CSMD1: variants seen among roughly 807,000 people sequenced by gnomAD.
CSMD1 encodes the protein CUB and Sushi multiple domains 1.
In CSMD1, 213 loss-of-function variants were observed where a neutral mutation model predicts 417.5. The ratio of observed to expected loss-of-function variants is 0.51; its 90% confidence interval spans 0.46 to 0.57. The LOEUF (loss-of-function observed/expected upper bound fraction) is 0.57. Among genes scored for constraint, CSMD1 ranks in the 20% least tolerant of loss-of-function variants. CSMD1 has a pLI of 0.00. For missense variants in CSMD1, 6,923 were observed against 4,529.7 expected, an observed-to-expected ratio of 1.53 and a Z score of -15.17; for synonymous variants, 2,862 against 1,736.8, an observed-to-expected ratio of 1.65 and a Z score of -16.11.
intron 10 of CSMD1, among the ~76,000 whole-genome samples, chr8:3,533,673 A>G (rs912715693): frequency 1.3e-5 from 2 of 152,118 alleles, no homozygotes; most frequent in Non-Finnish European, 2.9e-5. Context: ...GCTTCACTCC[A>G]CTAACACTTA....
chr8:3,464,082 C>T (rs1010291103), intron 12 of CSMD1, among the ~76,000 whole-genome samples: 2 of 152,194 alleles, frequency 1.3e-5, no homozygotes, highest in Admixed American at 1.3e-4. Flanking sequence ...GACTATACAG[C>T]AGCACATCAC....
At chr8:3,658,128 C>T (rs1798223053) in intron 7 of CSMD1, among the ~76,000 whole-genome samples, 1 of 152,084 alleles carries the variant, frequency 6.6e-6, no homozygotes, top group South Asian at 2.1e-4. Flanking sequence ...AAAAAACCAA[C>T]TCAAAAACTT....
chr8:3,797,501 C>T (rs944834271), intron 5 of CSMD1, among the ~76,000 whole-genome samples: 2 of 151,890 alleles, frequency 1.3e-5, no homozygotes, highest in East Asian at 1.9e-4. Context: ...TGATCTTTAA[C>T]TTTATATAAA....
chr8:4,099,001 T>C (rs901160201), intron 3 of CSMD1, among the ~76,000 whole-genome samples: 2 of 152,172 alleles, frequency 1.3e-5, no homozygotes, highest in Non-Finnish European at 1.5e-5. Context: ...TCTCTTAGAC[T>C]CCAAACAACT....
At chr8:3,876,337 A>C (rs576049385) in intron 5 of CSMD1, among the ~76,000 whole-genome samples, 3 of 152,282 alleles carry the variant, frequency 2.0e-5, no homozygotes, top group South Asian at 4.1e-4. Context: ...GCCCAGGATG[A>C]CTGTTGTGTT....
intron 17 of CSMD1, among the ~76,000 whole-genome samples, chr8:3,388,917 ACACACACACACACACACACACACATT>A: frequency 2.3e-5 from 1 of 43,764 alleles, no homozygotes; most frequent in Admixed American, 2.3e-4. Context: ...ACACACACAC[ACACACACACACACACACACACACATT>A]CACTTTCAGA....
At position 3,660,574 on chromosome 8, in the gene CSMD1, G is replaced by A. The variant is rs572339805; in HGVS notation, c.1010-43777C>T. Among the ~76,000 whole-genome samples the A allele has an allele frequency of 8.4e-4, 92 of 108,890 alleles. 10 individuals carry two copies. Among genetic ancestry groups the A allele is most frequent in the Middle Eastern group, 7.6e-3 (1 of 132 alleles). The allele number at this position is 108,890 out of a possible 152,430, so 71.4% of individuals were successfully genotyped here. On this transcript the variant is annotated intron_variant, in intron 7 of 69. Coordinates refer to ENST00000635120, the MANE Select transcript of CSMD1 (RefSeq NM_033225.6). ...AAGGCCCTGCAGTCCAGGCAAGAGTGCAGTGGTGCAATCTCAGCTCACTGC... is the reference window on the plus strand; with the variant it reads ...AAGGCCCTGCAGTCCAGGCAAGAGTACAGTGGTGCAATCTCAGCTCACTGC...
chr8:4,615,307 G>A (rs571675266), intron 2 of CSMD1, among the ~76,000 whole-genome samples: 8 of 152,286 alleles, frequency 5.3e-5, no homozygotes, highest in African/African-American at 1.4e-4. Flanking sequence ...GGTTTACGCA[G>A]TATCTTCCCC....
At chr8:4,500,261 T>C (rs1563235688) in intron 2 of CSMD1, among the ~76,000 whole-genome samples, 1 of 152,078 alleles carries the variant, frequency 6.6e-6, no homozygotes, top group African/African-American at 2.4e-5. Context: ...ATCATAGAAA[T>C]GGATCGTCAG....
At chr8:3,733,726 G>C (rs1205145311) in intron 6 of CSMD1, among the ~76,000 whole-genome samples, 1 of 152,126 alleles carries the variant, frequency 6.6e-6, no homozygotes, top group African/African-American at 2.4e-5. Flanking sequence ...CGCCCATGGG[G>C]TTGTGGTGTC....
chr8:3,263,152 G>A (rs888835382), intron 26 of CSMD1, among the ~76,000 whole-genome samples: 9 of 152,144 alleles, frequency 5.9e-5, no homozygotes, highest in Non-Finnish European at 1.0e-4. Context: ...AGGCTGGAGT[G>A]CAGTGGCATG....
chr8:3,804,050 C>G (rs1800598561), intron 5 of CSMD1, among the ~76,000 whole-genome samples: 1 of 152,118 alleles, frequency 6.6e-6, no homozygotes, highest in South Asian at 2.1e-4. Flanking sequence ...TCCTCAGCCT[C>G]TGAGTAGCTG....
intron 2 of CSMD1, among the ~76,000 whole-genome samples, chr8:4,499,150 C>A (rs1802126163): frequency 6.6e-6 from 1 of 152,070 alleles, no homozygotes; most frequent in African/African-American, 2.4e-5. Context: ...AGAAACAAAA[C>A]CAACAGGAAG....
intron 10 of CSMD1, among the ~76,000 whole-genome samples, chr8:3,535,439 A>G (rs973678726): frequency 1.3e-5 from 2 of 152,166 alleles, no homozygotes; most frequent in Non-Finnish European, 2.9e-5. Flanking sequence ...CTCCGGTTCC[A>G]TCCACATTGC....
intron 9 of CSMD1, among the ~76,000 whole-genome samples, chr8:3,576,491 T>C (rs114188019): frequency 1.3e-3 from 201 of 152,280 alleles, no homozygotes; most frequent in African/African-American, 4.7e-3. Flanking sequence ...GACAACATAA[T>C]TTGAGACAAC....
chr8:4,518,800 T>G (rs1042518271), intron 2 of CSMD1, among the ~76,000 whole-genome samples: 2 of 151,772 alleles, frequency 1.3e-5, no homozygotes, highest in Admixed American at 1.3e-4. Flanking sequence ...AGAGGAAAAA[T>G]AGAATAATTA....
chr8:4,314,495 G>C (rs6982253), intron 3 of CSMD1, among the ~76,000 whole-genome samples: 17,214 of 152,000 alleles, frequency 0.11, 3,020 homozygotes, highest in African/African-American at 0.38. Context: ...ACCTTTCTAA[G>C]CAGTCTGGAC....
chr8:4,160,604 T>C (rs1310288423), intron 3 of CSMD1, among the ~76,000 whole-genome samples: 2 of 152,252 alleles, frequency 1.3e-5, no homozygotes, highest in East Asian at 1.9e-4. Context: ...ATTTACACAC[T>C]GTGGATGTCC....
chr8:3,741,981 T>TTG (rs1554528210), intron 6 of CSMD1, among the ~76,000 whole-genome samples: 1 of 149,242 alleles, frequency 6.7e-6, no homozygotes, highest in Admixed American at 6.7e-5. Flanking sequence ...GAATCTTGGT[T>TTG]TTTTTTTTTT....
Sources: allele counts gnomAD v4.1 joint callset (sites outside exome capture counted in the v4.1 genomes callset), GRCh38; gene constraint gnomAD v4.1.1; transcripts MANE v1.5; gene names NCBI Gene and HGNC (gene_info 2026-07-23, HGNC 2026-07-21).